Variants in CACYBP observed in about 807,000 individuals in gnomAD.
CACYBP encodes calcyclin binding protein.
CACYBP carries 11 observed loss-of-function variants against 29.6 expected under a neutral mutation model. That is an observed-to-expected ratio of 0.37 (90% CI 0.23 to 0.61). The LOEUF is 0.61. Among genes scored for constraint, CACYBP ranks in the 20% least tolerant of loss-of-function variants. CACYBP has a pLI of 0.65. For synonymous variants in CACYBP, 73 were observed against 88.3 expected (o/e 0.83, Z 0.97); for missense variants, 163 against 260.7 (o/e 0.63, Z 2.58).
In CACYBP at chr1:175,000,028, C is replaced by G. The variant is rs1672423021; in HGVS notation, c.-153C>G. 1 of 1,119,142 alleles carries G rather than the reference C, an allele frequency of 8.9e-7. No homozygotes were observed. Among genetic ancestry groups the G allele is most frequent in the Admixed American group, 2.1e-5 (1 of 47,976 alleles). The allele number at this position is 1,119,142 out of a possible 1,614,324, so 69.3% of individuals were successfully genotyped here. On this transcript the variant is annotated 5_prime_UTR_variant, in exon 1 of 6. Transcript: ENST00000367679. ...AGATCCGTCGCGTGCGGGAGGCGGG[C>G]CGCGATCTTGCGCAGGGTCGGTGTG...
In CACYBP at chr1:175,010,552, T is replaced by TA. The variant is rs1206126837; in HGVS notation, c.*475dup. The TA allele has an allele frequency of 6.5e-6, 1 of 152,964 alleles. No homozygotes were observed. The highest frequency in any genetic ancestry group is 1.9e-4 in the East Asian group (1 of 5,210). 9.5% of individuals were successfully genotyped at this position (152,964 alleles called of 1,614,324 possible). A position where few individuals can be genotyped will look rare whatever the true frequency, so the allele number is the denominator to read the frequency against. On this transcript the variant is annotated 3_prime_UTR_variant, in exon 6 of 6. Transcript: ENST00000367679. ...AGCATCTGACCCCTTATTACCACCT[T>TA]AAGCAATGTATATGCCATGCATTAC...
rs1275641528 is a variant in CACYBP at position 175,004,795 on chromosome 1, C to G, written c.197C>G (p.Pro66Arg). The G allele has an allele frequency of 6.2e-7, 1 of 1,613,066 alleles. No individual in the cohort carries two copies. Among genetic ancestry groups the G allele is most frequent in the South Asian group, 1.1e-5 (1 of 91,060 alleles). ...GAAAAACCAGCTGCTGTGGTTGCTC[C>G]CATTACAACGGGCTATACGGTGAAA... ...DNEKPAAVVA[P>R]ITTGYTVKIS... Residue 66 changes from proline to arginine, a missense_variant, in exon 2 of 6, where the codon CCC (proline) becomes CGC (arginine). Pro to Arg is a moderately radical substitution (Grantham distance 103, BLOSUM62 -2). Coordinates refer to ENST00000367679, the MANE Select transcript of CACYBP (RefSeq NM_014412.3).
rs370638336 is a variant in CACYBP, at chr1:175,002,429, G to T, written c.16-2185G>T. On this transcript the variant is annotated intron_variant, in intron 1 of 5. Transcript: ENST00000367679. Reference sequence around the variant, plus strand: ...TGGTGTCCATTTCTGTGTCTTTGGAGAAATGTGTGTTGAATTCCTTTGCCC... The same window carrying T: ...TGGTGTCCATTTCTGTGTCTTTGGATAAATGTGTGTTGAATTCCTTTGCCC... Among the ~76,000 whole-genome samples the T allele has an allele frequency of 1.5e-4, 23 of 152,312 alleles. No homozygotes were observed. The East Asian group carries it at 3.3e-3, about 22-fold the overall frequency.
At chr1:175,008,985 A>T in intron 5 of CACYBP, 1 of 279,738 alleles carries the variant, frequency 3.6e-6, no homozygotes, top group Non-Finnish European at 6.7e-6. Flanking sequence ...GTACCCCTGT[A>T]TGTTTTAAAT....
intron 1 of CACYBP, chr1:175,000,403 C>A: frequency 2.1e-6 from 3 of 1,405,894 alleles, no homozygotes; most frequent in Non-Finnish European, 2.8e-6. Flanking sequence ...GCACCCCACT[C>A]GCCTGCTGGG....
intron 3 of CACYBP, 22 bp from the exon 4 acceptor site, chr1:175,007,076 T>C: frequency 7.0e-7 from 1 of 1,419,478 alleles, no homozygotes; most frequent in Non-Finnish European, 9.9e-7. Context: ...AGAAAGATGA[T>C]GTATTCACCA....
rs1308011416 is a variant in CACYBP at position 175,011,514 on chromosome 1, TAAAA to T, written c.*1436_*1439del. The T allele has an allele frequency of 6.6e-6, 1 of 152,020 alleles. No homozygotes were observed. The highest frequency in any genetic ancestry group is 2.4e-5 in the African/African-American group (1 of 41,398). 9.4% of individuals were successfully genotyped at this position (152,020 alleles called of 1,614,324 possible). ...TGACTTAAAACCTAGAAGAAATAAA[TAAAA>T]CTATTGATCAATTTTAACTACATAA... On this transcript the variant is annotated 3_prime_UTR_variant, in exon 6 of 6. Coordinates refer to ENST00000367679, the MANE Select transcript of CACYBP (RefSeq NM_014412.3).
intron 1 of CACYBP, chr1:175,000,499 GC>G (rs900219910): frequency 4.6e-6 from 6 of 1,297,984 alleles, no homozygotes; most frequent in Admixed American, 4.0e-5. Flanking sequence ...TGTTCCTCAG[GC>G]CCTTTCTGCC....
intron 5 of CACYBP, 22 bp from the exon 6 acceptor site, chr1:175,009,901 T>G (rs764216194): frequency 6.3e-7 from 1 of 1,592,686 alleles, no homozygotes; most frequent in Admixed American, 1.8e-5. Flanking sequence ...TCCCCATTGT[T>G]GTATATGTTT....
In CACYBP at chr1:174,999,969, TG is replaced by T; in HGVS notation, c.-209del. On this transcript the variant is annotated 5_prime_UTR_variant, in exon 1 of 6. Coordinates refer to ENST00000367679, the MANE Select transcript of CACYBP (RefSeq NM_014412.3). ...CTTGGCGGGCTGTGCGTGCTCGCGG[TG>T]GGCGGTGGCGGCGGCTGCCTCGCGA... is the stretch of plus-strand genomic sequence containing the variant. The T allele has an allele frequency of 1.5e-6, 1 of 646,004 alleles. No individual in the cohort carries two copies. Among genetic ancestry groups the T allele is most frequent in the Non-Finnish European group, 2.6e-6 (1 of 386,864 alleles). 40.0% of individuals were successfully genotyped at this position (646,004 alleles called of 1,614,324 possible).
upstream of CACYBP, chr1:174,999,918 G>A: frequency 1.8e-6 from 1 of 549,952 alleles, no homozygotes; most frequent in Non-Finnish European, 3.2e-6. Context: ...GGCTCGGCGA[G>A]GCGAGGAAGG....
chr1:175,003,279 C>T (rs1017732151), intron 1 of CACYBP, among the ~76,000 whole-genome samples: 2 of 152,048 alleles, frequency 1.3e-5, no homozygotes, highest in African/African-American at 4.8e-5. Context: ...CCACCACACC[C>T]GGCAAATTTT....
rs958555127 is a variant in CACYBP, at chr1:175,010,785, T to TAAG, written c.*707_*709dup. On this transcript the variant is annotated 3_prime_UTR_variant, in exon 6 of 6. Coordinates refer to ENST00000367679, the MANE Select transcript of CACYBP (RefSeq NM_014412.3). Reference sequence around the variant, plus strand: ...CGTCTATTCCTATGCTCAATAAAGTTAAGTTTTTCTTCATTAGAACAGTTT... The same window carrying TAAG: ...CGTCTATTCCTATGCTCAATAAAGTTAAGAAGTTTTTCTTCATTAGAACAGTTT... The TAAG allele has an allele frequency of 6.6e-6, 1 of 152,158 alleles. No individual in the cohort carries two copies. The highest frequency in any genetic ancestry group is 2.4e-5 in the African/African-American group (1 of 41,404). The allele number at this position is 152,158 out of a possible 1,614,324, so 9.4% of individuals were successfully genotyped here. A position where few individuals can be genotyped will look rare whatever the true frequency, so the allele number is the denominator to read the frequency against.
At chr1:175,000,487 C>T (rs1672445958) in intron 1 of CACYBP, 2 of 1,332,942 alleles carry the variant, frequency 1.5e-6, no homozygotes, top group African/African-American at 1.6e-5. Flanking sequence ...GCCCTTTGCG[C>T]GTGTTCCTCA....
chr1:175,008,672 C>G lies in CACYBP; in HGVS notation c.496C>G (p.Leu166Val), dbSNP rs762442803. The change falls in exon 5 of 6, where the codon CTG becomes GTG. Residue 166 changes from leucine (L) to valine (V), a missense_variant. Leu to Val is a conservative substitution (Grantham distance 32). Coordinates refer to ENST00000367679, the MANE Select transcript of CACYBP (RefSeq NM_014412.3). ...AGTGGAAAACACAAGGTGGGATTAC[C>G]TGACCCAGGTTGAAAAGGAGTGCAA... ...KKVENTRWDY[L>V]TQVEKECKEK... The G allele has an allele frequency of 2.5e-6, 4 of 1,591,078 alleles. No homozygotes were observed. In the Admixed American group the frequency reaches 6.7e-5, roughly 27 times the overall value.
rs1672455156 is a variant in CACYBP at position 175,000,688 on chromosome 1, TTC to T, written c.15+497_15+498del. The stretch of plus-strand genomic sequence containing the variant: ...TGTTACTCTGGGCAAGTTGTTTAGC[TTC>T]TCTGTGTCGCAGTAGCATCCATTTC... On this transcript the variant is annotated intron_variant, in intron 1 of 5. Transcript: ENST00000367679. 5.9e-6 allele frequency: 5 copies of T among 843,870 alleles called. No homozygotes were observed. In the South Asian group the frequency reaches 2.6e-4, roughly 44 times the overall value. 52.3% of individuals were successfully genotyped at this position (843,870 alleles called of 1,614,324 possible).
At chr1:175,005,005 G>A (rs1177679140) in intron 2 of CACYBP, 172 bp downstream of exon 2, 12 of 652,096 alleles carry the variant, frequency 1.8e-5, no homozygotes, top group South Asian at 1.0e-4. Flanking sequence ...GAAAGGATGC[G>A]TTCTAGAAGC....
intron 1 of CACYBP, chr1:175,000,640 T>A: frequency 9.8e-7 from 1 of 1,022,686 alleles, no homozygotes; most frequent in Non-Finnish European, 1.2e-6. Flanking sequence ...CCTAGTCAGG[T>A]TTTCTCTACA....
intron 2 of CACYBP, among the ~76,000 whole-genome samples, chr1:175,006,271 C>G (rs983235715): frequency 1.3e-5 from 2 of 152,180 alleles, no homozygotes; most frequent in African/African-American, 4.8e-5. Flanking sequence ...CTACTTTGCC[C>G]TGGAAAGGAA....
Sources: allele counts gnomAD v4.1 joint callset (sites outside exome capture counted in the v4.1 genomes callset), GRCh38; gene constraint gnomAD v4.1.1; transcripts MANE v1.5; gene names NCBI Gene and HGNC (gene_info 2026-07-23, HGNC 2026-07-21).